The following GPATCH8 variants were observed in gnomAD, a reference collection of about 807,000 sequenced individuals.
GPATCH8 encodes G patch domain-containing protein 8.
Under a neutral mutation model 118.3 loss-of-function variants are expected in GPATCH8, and 18 were observed. The observed-to-expected ratio is 0.15, with a 90% CI of 0.11 to 0.23. GPATCH8 has a LOEUF of 0.23. GPATCH8 is among the 10% of genes least tolerant of loss of function. GPATCH8 has a pLI of 1.00. For synonymous variants in GPATCH8, 659 were observed against 684.7 expected (o/e 0.96, Z 0.59); for missense variants, 1,631 against 1,873.8 (o/e 0.87, Z 2.39).
chr17:44,406,168 A>G, intron 6 of GPATCH8, 117 bp from the exon 7 acceptor site: 1 of 758,544 alleles, frequency 1.3e-6, no homozygotes, highest in Non-Finnish European at 2.4e-6. Context: ...AGTGTTGAAC[A>G]CATTATCATA....
Position 44,398,373 on chromosome 17 carries a change from C to T in GPATCH8, c.3704G>A (p.Gly1235Glu). 6.2e-7 allele frequency: 1 copy of T among 1,614,028 alleles called. No individual in the cohort carries two copies. The highest frequency in any genetic ancestry group is 8.5e-7 in the Non-Finnish European group (1 of 1,179,964). ...GTPAHSDCYPGDPTISHNYLP... is the reference protein window; with the variant it reads ...GTPAHSDCYPEDPTISHNYLP... ...GTAGTTATGGGAGATGGTTGGGTCC[C>T]CAGGGTAGCAGTCAGAATGTGCTGG... The change falls in exon 8 of 8, where the codon GGG (glycine) becomes GAG (glutamate). Residue 1235 changes from glycine to glutamate, a missense_variant. Transcript: ENST00000591680.
chr17:44,473,224 TC>T (rs1967447670), intron 2 of GPATCH8: 1 of 151,048 alleles, frequency 6.6e-6, no homozygotes, highest in African/African-American at 2.4e-5. Flanking sequence ...AAGCTCTGCC[TC>T]CCGGGTTCAT....
intron 6 of GPATCH8, among the ~76,000 whole-genome samples, chr17:44,419,626 T>C (rs2049819086): frequency 6.6e-6 from 1 of 151,864 alleles, no homozygotes; most frequent in Non-Finnish European, 1.5e-5. Context: ...AGCTCGGACT[T>C]ACACTACATG....
intron 3 of GPATCH8, among the ~76,000 whole-genome samples, chr17:44,453,948 G>C (rs1568012136): frequency 6.6e-6 from 1 of 151,954 alleles, no homozygotes; most frequent in African/African-American, 2.4e-5. Context: ...AAAAAATTGA[G>C]GTGGTTTCTT....
At chr17:44,485,933 C>T (rs1968741541) in intron 1 of GPATCH8, among the ~76,000 whole-genome samples, 1 of 152,190 alleles carries the variant, frequency 6.6e-6, no homozygotes, top group African/African-American at 2.4e-5. Flanking sequence ...GTCTCCCTGT[C>T]ACCCAAGCTA....
chr17:44,493,496 T>G (rs1969438424), intron 1 of GPATCH8, among the ~76,000 whole-genome samples: 1 of 152,228 alleles, frequency 6.6e-6, no homozygotes, highest in Non-Finnish European at 1.5e-5. Context: ...TTTTGCATAC[T>G]GGAGATAATA....
chr17:44,457,834 C>A (rs1349078459), intron 3 of GPATCH8, among the ~76,000 whole-genome samples: 1 of 152,050 alleles, frequency 6.6e-6, no homozygotes. Flanking sequence ...GTAATCCCAG[C>A]ACTTTGGGAG....
rs990130623 is a variant in GPATCH8, at chr17:44,397,159, A to G, written c.*409T>C. On this transcript the variant is annotated 3_prime_UTR_variant, in exon 8 of 8. Transcript: ENST00000591680. ...TGAGAAGGCAAGACCAGATGGGCCC[A>G]CAGCAAGTGCTCTGGTGACAACCCA... The G allele has an allele frequency of 4.4e-6, 2 of 458,024 alleles. No individual in the cohort carries two copies. The highest frequency in any genetic ancestry group is 2.3e-5 in the Admixed American group (1 of 42,656). 28.4% of individuals were successfully genotyped at this position (458,024 alleles called of 1,614,324 possible). A position where few individuals can be genotyped will look rare whatever the true frequency, so the allele number is the denominator to read the frequency against.
At chr17:44,460,717 T>A (rs555631870) in intron 3 of GPATCH8, among the ~76,000 whole-genome samples, 2 of 152,358 alleles carry the variant, frequency 1.3e-5, no homozygotes, top group South Asian at 2.1e-4. Context: ...CTAGTCAATG[T>A]GAAGAACTTA....
chr17:44,443,738 G>T lies in GPATCH8; in HGVS notation c.194-7193C>A, dbSNP rs558015878. ...GGCTGGAGTGCAGTGGCATAACCAC[G>T]GCTCACTGCAGCCTCAACCTCCTGG... is the stretch of plus-strand genomic sequence containing the variant. On this transcript the variant is annotated intron_variant, in intron 3 of 7. Transcript: ENST00000591680. 9.9e-5 allele frequency among the ~76,000 whole-genome samples: 15 copies of T among 152,162 alleles called. 1 individual carries two copies. The East Asian group carries it at 2.9e-3, about 29-fold the overall frequency.
At chr17:44,497,024 T>C (rs540441644) in intron 1 of GPATCH8, among the ~76,000 whole-genome samples, 2 of 152,232 alleles carry the variant, frequency 1.3e-5, no homozygotes, top group Non-Finnish European at 2.9e-5. Context: ...GTAATTCCTT[T>C]GGTAATTACC....
intron 3 of GPATCH8, among the ~76,000 whole-genome samples, chr17:44,440,478 G>A (rs1304652802): frequency 6.6e-6 from 1 of 152,160 alleles, no homozygotes. Context: ...AGCACGATCA[G>A]CTCACTGCAG....
chr17:44,441,983 G>A (rs1246799981), intron 3 of GPATCH8, among the ~76,000 whole-genome samples: 2 of 151,614 alleles, frequency 1.3e-5, no homozygotes, highest in African/African-American at 4.9e-5. Flanking sequence ...AGCTGACATC[G>A]TACCATCGCA....
rs571918258 is a variant in GPATCH8 at position 44,462,968 on chromosome 17, G to A, written c.193+1504C>T. Among the ~76,000 whole-genome samples the A allele has an allele frequency of 7.9e-3, 1,170 of 147,740 alleles. 17 individuals carry two copies. Among genetic ancestry groups the A allele is most frequent in the African/African-American group, 0.028 (1,130 of 40,044 alleles). On this transcript the variant is annotated intron_variant, in intron 3 of 7. Transcript: ENST00000591680. ...TGCACTCTAGCCTGGGCGACAGAGCGAGACTCCACTTCAAAATATAAATAA... is the reference window on the plus strand; with the variant it reads ...TGCACTCTAGCCTGGGCGACAGAGCAAGACTCCACTTCAAAATATAAATAA...
rs112533035 is a variant in GPATCH8 at position 44,481,610 on chromosome 17, T to G, written c.46-6707A>C. Reference sequence around the variant, plus strand: ...GTTTTGTCAATACTCAAATTGTACTTTTTTTTCACCGTCTTATGGTGCTGA... The same window carrying G: ...GTTTTGTCAATACTCAAATTGTACTGTTTTTTCACCGTCTTATGGTGCTGA... On this transcript the variant is annotated intron_variant, in intron 1 of 7. Coordinates refer to ENST00000591680, the MANE Select transcript of GPATCH8 (RefSeq NM_001002909.4). 4.2e-3 allele frequency among the ~76,000 whole-genome samples: 637 copies of G among 151,892 alleles called. 9 individuals are homozygous for G. The highest frequency in any genetic ancestry group is 0.014 in the African/African-American group (585 of 41,214).
In GPATCH8 at chr17:44,401,461, A is replaced by G. The variant is rs1477783583; in HGVS notation, c.624-8T>C. ...GGACCACTTCCAGGTGCACTACATG[A>G]TGATTTAGAAAAATAAAAAACAAAA... On this transcript the variant is annotated splice_polypyrimidine_tract_variant and splice_region_variant and intron_variant, in intron 7 of 7. Coordinates refer to ENST00000591680, the MANE Select transcript of GPATCH8 (RefSeq NM_001002909.4). 3 of 1,573,986 alleles carry G rather than the reference A, an allele frequency of 1.9e-6. No individual in the cohort carries two copies. Among genetic ancestry groups the G allele is most frequent in the Non-Finnish European group, 2.6e-6 (3 of 1,143,296 alleles).
chr17:44,490,303 G>A (rs1485272890), intron 1 of GPATCH8, among the ~76,000 whole-genome samples: 1 of 151,726 alleles, frequency 6.6e-6, no homozygotes, highest in African/African-American at 2.4e-5. Flanking sequence ...GCAAGACCTT[G>A]TCTTAGAAAA....
intron 6 of GPATCH8, among the ~76,000 whole-genome samples, chr17:44,422,616 G>A (rs962743886): frequency 1.3e-5 from 2 of 151,470 alleles, no homozygotes; most frequent in African/African-American, 2.4e-5. Context: ...CAGCCTCTCC[G>A]AGTAGCTGGG....
At chr17:44,469,071 C>T (rs1329573572) in intron 2 of GPATCH8, among the ~76,000 whole-genome samples, 1 of 152,110 alleles carries the variant, frequency 6.6e-6, no homozygotes, top group Non-Finnish European at 1.5e-5. Context: ...TAGATTACCT[C>T]AGTTGGCCTT....
Sources: gnomAD v4.1 joint callset for allele counts (sites outside exome capture counted in the v4.1 genomes callset) on GRCh38, gnomAD v4.1.1 for gene constraint, MANE v1.5 for transcripts, NCBI Gene and HGNC (gene_info 2026-07-23, HGNC 2026-07-21) for gene names.